The following PHF14 variants were observed in gnomAD, a reference collection of about 807,000 sequenced individuals.
PHF14 encodes PHD finger protein 14.
In PHF14, 55 loss-of-function variants were observed where a neutral mutation model predicts 117.9. The observed-to-expected ratio is 0.47, with a 90% CI of 0.38 to 0.58. The LOEUF is 0.58. Ranked by LOEUF, PHF14 falls within the 20% of genes least tolerant of loss-of-function variation. The pLI, the probability that PHF14 is intolerant of heterozygous loss-of-function variation, is 0.00. For missense variants in PHF14, 978 were observed against 1,122.2 expected (o/e 0.87, Z 1.84); for synonymous variants, 409 against 368.6 (o/e 1.11, Z -1.26).
chr7:11,161,729 T>TTATATTTTATTTAAATAAAAA (rs1286664345), intron 17 of PHF14, among the ~76,000 whole-genome samples: 4 of 146,810 alleles, frequency 2.7e-5, no homozygotes, highest in East Asian at 3.9e-4. Flanking sequence ...AATAAAAATA[T>TTATATTTTATTTAAATAAAAA]TATATTTTAT....
chr7:11,145,293 C>CTTT (rs1253084347), intron 17 of PHF14, among the ~76,000 whole-genome samples: 2 of 3,562 alleles, frequency 5.6e-4, no homozygotes, highest in African/African-American at 3.0e-3. Context: ...CTCTTTTTCT[C>CTTT]TCTTTTTTAA....
At position 11,035,634 on chromosome 7, in the gene PHF14, G is replaced by C; in HGVS notation, c.1456-6G>C. 1 of 1,580,410 alleles carries C rather than the reference G, an allele frequency of 6.3e-7. No individual in the cohort carries two copies. Among genetic ancestry groups the C allele is most frequent in the East Asian group, 2.3e-5 (1 of 44,184 alleles). On this transcript the variant is annotated splice_region_variant and splice_polypyrimidine_tract_variant and intron_variant, in intron 7 of 17. Transcript: ENST00000634607. ...TTCACTATTTTTCTGTGCTTTCTTTGTATAGGATATAGCAGATCCATTCTT... is the reference window on the plus strand; with the variant it reads ...TTCACTATTTTTCTGTGCTTTCTTTCTATAGGATATAGCAGATCCATTCTT...
chr7:11,125,697 A>G (rs565650355), intron 17 of PHF14, among the ~76,000 whole-genome samples: 1 of 152,128 alleles, frequency 6.6e-6, no homozygotes, highest in South Asian at 2.1e-4. Flanking sequence ...TCAGACTTTT[A>G]CAAGTTGTTT....
chr7:11,030,189 A>G lies in PHF14; in HGVS notation c.1455+1371A>G, dbSNP rs139018909. 4.9e-3 allele frequency among the ~76,000 whole-genome samples: 740 copies of G among 151,448 alleles called. 2 individuals carry two copies. The highest frequency in any genetic ancestry group is 0.01 in the Middle Eastern group (3 of 294). ...AGACATAGAGTTATAATTATACGGTAAAGGTAGTCTGGATTCCTCATAGCT... is the reference window on the plus strand; with the variant it reads ...AGACATAGAGTTATAATTATACGGTGAAGGTAGTCTGGATTCCTCATAGCT... On this transcript the variant is annotated intron_variant, in intron 7 of 17. Transcript: ENST00000634607.
chr7:11,132,108 A>G (rs1318857035), intron 17 of PHF14, among the ~76,000 whole-genome samples: 1 of 151,820 alleles, frequency 6.6e-6, no homozygotes, highest in Admixed American at 6.6e-5. Flanking sequence ...AGGTTTTGGC[A>G]AGAATAGCTA....
chr7:11,021,532 G>T (rs1783735569), intron 5 of PHF14, among the ~76,000 whole-genome samples: 1 of 152,134 alleles, frequency 6.6e-6, no homozygotes, highest in African/African-American at 2.4e-5. Context: ...GTTTAAATCT[G>T]TAGTACTTGT....
intron 5 of PHF14, among the ~76,000 whole-genome samples, chr7:11,016,219 C>T (rs1429668713): frequency 6.6e-6 from 1 of 152,026 alleles, no homozygotes; most frequent in South Asian, 2.1e-4. Flanking sequence ...TACCTGTAGG[C>T]TGTACTGGAA....
rs747467173 is a variant in PHF14 at position 11,122,352 on chromosome 7, TACACAC to T, written c.2772+10913_2772+10918del. Among the ~76,000 whole-genome samples the T allele has an allele frequency of 7.6e-3, 502 of 65,866 alleles. 19 individuals are homozygous for T. The highest frequency in any genetic ancestry group is 0.033 in the African/African-American group (449 of 13,748). The allele number at this position is 65,866 out of a possible 152,430, so 43.2% of individuals were successfully genotyped here. A position where few individuals can be genotyped will look rare whatever the true frequency, so the allele number is the denominator to read the frequency against. On this transcript the variant is annotated intron_variant, in intron 17 of 17. Transcript: ENST00000634607. ...CTTTTTATATATATATATATATATA[TACACAC>T]ACACACACACACACACACACACACA...
At chr7:10,976,129 G>C (rs550385053) in intron 2 of PHF14, among the ~76,000 whole-genome samples, 3 of 152,328 alleles carry the variant, frequency 2.0e-5, no homozygotes, top group East Asian at 3.9e-4. Context: ...AATTTAGTCT[G>C]TTTATCTGCT....
At chr7:11,103,809 TAAAAGTA>T in intron 16 of PHF14, 1 of 984,474 alleles carries the variant, frequency 1.0e-6, no homozygotes, top group African/African-American at 1.7e-5. Context: ...AGATGTTTGA[TAAAAGTA>T]AAATGTGTAT....
rs1054111980 is a variant in PHF14 at position 11,063,643 on chromosome 7, C to T, written c.2654+1558C>T. On this transcript the variant is annotated intron_variant, in intron 16 of 17. Coordinates refer to ENST00000634607, the MANE Select transcript of PHF14 (RefSeq NM_001007157.2). Reference sequence around the variant, plus strand: ...TGATTGAGGCCTTTTTGCTGTAGGACTTAGAGGTTTTTATTAGGTTTTTTG... The same window carrying T: ...TGATTGAGGCCTTTTTGCTGTAGGATTTAGAGGTTTTTATTAGGTTTTTTG... 9 of 972,046 alleles carry T rather than the reference C, an allele frequency of 9.3e-6. No individual in the cohort carries two copies. In the African/African-American group the frequency reaches 1.6e-4, roughly 17 times the overall value. The allele number at this position is 972,046 out of a possible 1,614,324, so 60.2% of individuals were successfully genotyped here.
At chr7:11,160,950 G>A (rs893697677) in intron 17 of PHF14, among the ~76,000 whole-genome samples, 5 of 151,992 alleles carry the variant, frequency 3.3e-5, no homozygotes, top group African/African-American at 9.7e-5. Flanking sequence ...TGGTTTTGTC[G>A]CAATTGCTTT....
chr7:11,076,567 C>CTTTTTTTT (rs71023886), intron 16 of PHF14, among the ~76,000 whole-genome samples: 32 of 124,736 alleles, frequency 2.6e-4, no homozygotes, highest in East Asian at 9.4e-4. Flanking sequence ...TTTTCTTTTT[C>CTTTTTTTT]TTTTTTTTTT....
At position 11,113,336 on chromosome 7, in the gene PHF14, A is replaced by T. The variant is rs146459819; in HGVS notation, c.2772+1869A>T. The stretch of plus-strand genomic sequence containing the variant: ...TGCCATAGGTGCCAGTAGCCATTGG[A>T]TAAGGTTTTAGTTTTGTTTTCTTCT... On this transcript the variant is annotated intron_variant, in intron 17 of 17. Transcript: ENST00000634607. Among the ~76,000 whole-genome samples, 1,287 of 152,198 alleles carry T rather than the reference A, an allele frequency of 8.5e-3. 88 individuals are homozygous for T. The highest frequency in any genetic ancestry group is 0.08 in the Admixed American group (1,221 of 15,262).
chr7:11,114,320 T>G (rs186804318), intron 17 of PHF14, among the ~76,000 whole-genome samples: 1 of 152,142 alleles, frequency 6.6e-6, no homozygotes, highest in Admixed American at 6.6e-5. Flanking sequence ...CAGGGGAAAC[T>G]CTAAAATATT....
At chr7:11,103,738 A>C in intron 16 of PHF14, 1 of 984,972 alleles carries the variant, frequency 1.0e-6, no homozygotes, top group Non-Finnish European at 1.2e-6. Flanking sequence ...AGCAATTGTA[A>C]TTGTAAAGCT....
intron 16 of PHF14, chr7:11,102,817 C>T (rs1787136868): frequency 5.4e-6 from 7 of 1,285,322 alleles, no homozygotes; most frequent in East Asian, 3.4e-5. Flanking sequence ...TTGAAAAATA[C>T]TGGATACATG....
At chr7:11,051,220 T>G (rs965167905) in intron 13 of PHF14, among the ~76,000 whole-genome samples, 1 of 151,988 alleles carries the variant, frequency 6.6e-6, no homozygotes, top group African/African-American at 2.4e-5. Flanking sequence ...TTCTTTTTTT[T>G]TTTGTGAAGA....
chr7:11,076,561 CTTTTTCTT>C (rs1266674682), intron 16 of PHF14, among the ~76,000 whole-genome samples: 1 of 127,166 alleles, frequency 7.9e-6, no homozygotes, highest in Non-Finnish European at 1.7e-5. Flanking sequence ...ATATTTTTTT[CTTTTTCTT>C]TTTTTTTTTT....
Sources: allele counts gnomAD v4.1 joint callset (sites outside exome capture counted in the v4.1 genomes callset), GRCh38; gene constraint gnomAD v4.1.1; transcripts MANE v1.5; gene names NCBI Gene and HGNC (gene_info 2026-07-23, HGNC 2026-07-21).